IGSF10: variants seen among roughly 807,000 people sequenced by gnomAD.
The protein encoded by IGSF10 is calvaria mechanical force protein 608.
IGSF10 carries 126 observed loss-of-function variants against 128.2 expected under a neutral mutation model. The ratio of observed to expected loss-of-function variants is 0.98; its 90% CI spans 0.85 to 1.14. The LOEUF (loss-of-function observed/expected upper bound fraction) is 1.14. Ranked by LOEUF, IGSF10 falls within the 50% of genes most tolerant of loss-of-function variation. The pLI is 0.00. For synonymous variants in IGSF10, 1,185 were observed against 1,146.2 expected, an observed-to-expected ratio of 1.03 and a Z score of -0.68; for missense variants, 3,295 against 3,149.8, an observed-to-expected ratio of 1.05 and a Z score of -1.10.
At chr3:151,451,913 A>C (rs1721528218) in intron 5 of IGSF10, among the ~76,000 whole-genome samples, 1 of 152,228 alleles carries the variant, frequency 6.6e-6, no homozygotes. Context: ...CTGCATCAAC[A>C]TCTTTGCAGA....
chr3:151,525,763 A>G, the IGSF10 span, among the ~76,000 whole-genome samples: 12 of 152,048 alleles, frequency 7.9e-5, no homozygotes, highest in African/African-American at 1.9e-4. Flanking sequence ...CAAGAGCCCA[A>G]TCTCTTTTAA....
the IGSF10 span, among the ~76,000 whole-genome samples, chr3:151,571,180 G>A: frequency 6.6e-6 from 1 of 152,132 alleles, no homozygotes; most frequent in Non-Finnish European, 1.5e-5. Context: ...CTCCAGCTTT[G>A]TTCTTTTGGT....
the IGSF10 span, among the ~76,000 whole-genome samples, chr3:151,498,554 C>T: frequency 6.6e-6 from 1 of 152,060 alleles, no homozygotes; most frequent in Non-Finnish European, 1.5e-5. Context: ...GAACCAATGA[C>T]AAAAACCACA....
chr3:151,532,991 A>T, the IGSF10 span, among the ~76,000 whole-genome samples: 1 of 152,238 alleles, frequency 6.6e-6, no homozygotes, highest in Non-Finnish European at 1.5e-5. Flanking sequence ...ATCAATGTGC[A>T]AAAATCATAA....
At chr3:151,574,907 G>A in the IGSF10 span, among the ~76,000 whole-genome samples, 10 of 152,102 alleles carry the variant, frequency 6.6e-5, no homozygotes, top group African/African-American at 2.4e-4. Flanking sequence ...GTTTTCGTGT[G>A]GGTGTCCTTT....
At chr3:151,453,359 A>T (rs750086530) in intron 5 of IGSF10, 25 bp downstream of exon 5, 1 of 1,534,476 alleles carries the variant, frequency 6.5e-7, no homozygotes, top group African/African-American at 1.4e-5. Flanking sequence ...CTTAATTGGG[A>T]CAAAAAAATA....
chr3:151,563,653 G>C, the IGSF10 span, among the ~76,000 whole-genome samples: 1 of 152,244 alleles, frequency 6.6e-6, no homozygotes, highest in South Asian at 2.1e-4. Flanking sequence ...TTTAGCTCTA[G>C]TTTAAAGCAC....
At chr3:151,494,512 A>G in the IGSF10 span, among the ~76,000 whole-genome samples, 1 of 152,054 alleles carries the variant, frequency 6.6e-6, no homozygotes, top group East Asian at 1.9e-4. Flanking sequence ...TTGTTTAGTG[A>G]TGACTTTTCA....
the IGSF10 span, among the ~76,000 whole-genome samples, chr3:151,553,974 A>AAG: frequency 1.7e-5 from 1 of 59,694 alleles, no homozygotes; most frequent in Non-Finnish European, 3.1e-5. Flanking sequence ...TAACAACAAC[A>AAG]AAAAAAAAAC....
the IGSF10 span, among the ~76,000 whole-genome samples, chr3:151,498,988 T>A: frequency 6.6e-6 from 1 of 152,156 alleles, no homozygotes; most frequent in South Asian, 2.1e-4. Flanking sequence ...AACAAATGTT[T>A]ACCTTTAAAA....
chr3:151,614,176 T>C, the IGSF10 span, among the ~76,000 whole-genome samples: 1 of 152,002 alleles, frequency 6.6e-6, no homozygotes, highest in African/African-American at 2.4e-5. Context: ...AAACAACAGG[T>C]GCTGGAGGGG....
the IGSF10 span, among the ~76,000 whole-genome samples, chr3:151,591,347 A>C: frequency 1.4e-5 from 2 of 147,680 alleles, no homozygotes; most frequent in Middle Eastern, 3.6e-3. Flanking sequence ...AAAAGCATTA[A>C]AATTTTGTTG....
At chr3:151,481,191 C>CA in the IGSF10 span, among the ~76,000 whole-genome samples, 3 of 147,616 alleles carry the variant, frequency 2.0e-5, no homozygotes, top group African/African-American at 7.3e-5. Context: ...CCCAGGGAAT[C>CA]AGACCCTTGC....
chr3:151,447,661 T>A lies in IGSF10; in HGVS notation c.2320A>T (p.Asn774Tyr). The change falls in exon 6 of 8, where the codon AAT (asparagine) becomes TAT (tyrosine). Residue 774 changes from asparagine to tyrosine, a missense_variant. Transcript: ENST00000282466. ...KKNAMPDKRE[N>Y]TTVSPPPVVT... is the part of the protein sequence containing the mutation. ...ACTGGGGGTGGGCTCACTGTGGTAT[T>A]TTCTCGCTTGTCTGGCATAGCATTC... The A allele has an allele frequency of 6.2e-7, 1 of 1,614,170 alleles. No homozygotes were observed. The highest frequency in any genetic ancestry group is 8.5e-7 in the Non-Finnish European group (1 of 1,180,016).
the IGSF10 span, among the ~76,000 whole-genome samples, chr3:151,534,057 A>G: frequency 3.9e-5 from 6 of 152,238 alleles, no homozygotes; most frequent in Non-Finnish European, 1.5e-5. Flanking sequence ...TATGAAAAAA[A>G]TCTCATCATC....
At chr3:151,562,242 A>G in the IGSF10 span, among the ~76,000 whole-genome samples, 2 of 152,160 alleles carry the variant, frequency 1.3e-5, no homozygotes, top group East Asian at 3.9e-4. Context: ...AGTGCCTGAC[A>G]GTTTACAAAT....
chr3:151,569,039 C>T, the IGSF10 span, among the ~76,000 whole-genome samples: 1 of 152,164 alleles, frequency 6.6e-6, no homozygotes, highest in African/African-American at 2.4e-5. Context: ...CTGCCACCAG[C>T]ATTTCTATTG....
the IGSF10 span, among the ~76,000 whole-genome samples, chr3:151,466,735 T>C: frequency 6.6e-6 from 1 of 152,048 alleles, no homozygotes; most frequent in Non-Finnish European, 1.5e-5. Flanking sequence ...CCTGCCACCA[T>C]GCCCAGCTAA....
the IGSF10 span, among the ~76,000 whole-genome samples, chr3:151,494,930 G>A: frequency 6.6e-6 from 1 of 152,016 alleles, no homozygotes; most frequent in Non-Finnish European, 1.5e-5. Flanking sequence ...TCTGGGAAAG[G>A]CTTATTACTT....
Sources: allele counts gnomAD v4.1 joint callset (sites outside exome capture counted in the v4.1 genomes callset), GRCh38; gene constraint gnomAD v4.1.1; transcripts MANE v1.5; gene names NCBI Gene and HGNC (gene_info 2026-07-23, HGNC 2026-07-21).